Variants in PPFIA2 observed in about 807,000 individuals in gnomAD.
The protein encoded by PPFIA2 is liprin-alpha-2.
In PPFIA2, 46 loss-of-function variants were observed where a neutral mutation model predicts 175.5. That is an observed-to-expected ratio of 0.26 (90% CI 0.21 to 0.34). PPFIA2 has a LOEUF of 0.34. Ranked by LOEUF, PPFIA2 falls within the 10% of genes least tolerant of loss-of-function variation. The pLI is 1.00. For synonymous variants in PPFIA2, 568 were observed against 511.4 expected (o/e 1.11, Z -1.49); for missense variants, 1,179 against 1,506.1 (o/e 0.78, Z 3.60).
rs140216124 is a variant in PPFIA2 at position 81,319,404 on chromosome 12, A to C, written c.2642+6373T>G. ...TGGTTGAAGGTAGGTAGGGCTATAC[A>C]TGATCACATGGCAAAGCAACAGCAG... On this transcript the variant is annotated intron_variant, in intron 22 of 32. Coordinates refer to ENST00000549396, the MANE Select transcript of PPFIA2 (RefSeq NM_003625.5). Among the ~76,000 whole-genome samples, 456 of 151,950 alleles carry C rather than the reference A, an allele frequency of 3.0e-3. 2 individuals are homozygous for C. The highest frequency in any genetic ancestry group is 0.011 in the African/African-American group (441 of 41,544).
At position 81,754,184 on chromosome 12, in the gene PPFIA2, G is replaced by T. The variant is rs1235904378; in HGVS notation, c.38C>A (p.Thr13Asn). ...TTGGGACCCCCTTTGGCTCATTGGGGTGTCCTCATTAATCGTGGGCATCAC... is the reference window on the plus strand; with the variant it reads ...TTGGGACCCCCTTTGGCTCATTGGGTTGTCCTCATTAATCGTGGGCATCAC... ...CEVMPTINED[T>N]PMSQRGSQSS... Residue 13 changes from threonine to asparagine, a missense_variant, in exon 3 of 33, where the codon ACC becomes AAC. Physicochemically the swap from Thr to Asn is moderately conservative, Grantham distance 65. Transcript: ENST00000549396. The T allele has an allele frequency of 6.2e-7, 1 of 1,610,298 alleles. No individual in the cohort carries two copies. Among genetic ancestry groups the T allele is most frequent in the South Asian group, 1.1e-5 (1 of 90,260 alleles).
intron 7 of PPFIA2, among the ~76,000 whole-genome samples, chr12:81,437,569 TG>T (rs1378067540): frequency 1.3e-5 from 2 of 152,132 alleles, no homozygotes; most frequent in Non-Finnish European, 2.9e-5. Flanking sequence ...TTTAGCCAAG[TG>T]GTCTCATCAC....
intron 8 of PPFIA2, among the ~76,000 whole-genome samples, chr12:81,398,858 T>C (rs993655463): frequency 6.6e-6 from 1 of 152,030 alleles, no homozygotes; most frequent in Admixed American, 6.6e-5. Flanking sequence ...CGCTCGACAA[T>C]ACTAAGAGTT....
intron 4 of PPFIA2, among the ~76,000 whole-genome samples, chr12:81,601,438 C>T (rs768408858): frequency 2.0e-5 from 3 of 151,864 alleles, no homozygotes; most frequent in Non-Finnish European, 4.4e-5. Flanking sequence ...GCTTATATAT[C>T]AAGGTACGGT....
At chr12:81,611,545 G>A (rs1283609574) in intron 4 of PPFIA2, among the ~76,000 whole-genome samples, 1 of 152,178 alleles carries the variant, frequency 6.6e-6, no homozygotes, top group Non-Finnish European at 1.5e-5. Flanking sequence ...GGGCCGTGGA[G>A]GCTGTGGGGT....
chr12:81,314,640 C>T (rs926658294), intron 22 of PPFIA2, among the ~76,000 whole-genome samples: 8 of 151,820 alleles, frequency 5.3e-5, no homozygotes, highest in African/African-American at 1.9e-4. Flanking sequence ...CCTTGATCTT[C>T]CAGATCTCCT....
chr12:81,584,966 ATATAT>A (rs1453833687), intron 4 of PPFIA2, among the ~76,000 whole-genome samples: 2 of 100,706 alleles, frequency 2.0e-5, no homozygotes, highest in African/African-American at 8.2e-5. Context: ...TTTATATATA[ATATAT>A]TATATATTAA....
intron 4 of PPFIA2, among the ~76,000 whole-genome samples, chr12:81,659,250 C>T (rs1413633378): frequency 6.6e-6 from 1 of 151,966 alleles, no homozygotes; most frequent in African/African-American, 2.4e-5. Context: ...AAGTGTGAGC[C>T]GAAGCAGGGC....
At chr12:81,696,389 A>T (rs1454165132) in intron 3 of PPFIA2, among the ~76,000 whole-genome samples, 1 of 152,146 alleles carries the variant, frequency 6.6e-6, no homozygotes, top group African/African-American at 2.4e-5. Context: ...CTTAACTCTC[A>T]TCATCCAGTC....
intron 8 of PPFIA2, among the ~76,000 whole-genome samples, chr12:81,398,494 T>C (rs1023732728): frequency 6.6e-6 from 1 of 152,144 alleles, no homozygotes; most frequent in African/African-American, 2.4e-5. Context: ...ATTCTTTACT[T>C]ACTTGTTACC....
intron 4 of PPFIA2, among the ~76,000 whole-genome samples, chr12:81,504,502 T>C (rs2060935768): frequency 6.6e-6 from 1 of 152,092 alleles, no homozygotes; most frequent in Non-Finnish European, 1.5e-5. Context: ...CAACAGATGC[T>C]GGAGAGGACA....
chr12:81,488,196 G>A (rs967752028), intron 4 of PPFIA2, among the ~76,000 whole-genome samples: 1 of 151,706 alleles, frequency 6.6e-6, no homozygotes, highest in Non-Finnish European at 1.5e-5. Flanking sequence ...AATAGAATCA[G>A]ACAAACATGA....
chr12:81,265,975 A>T (rs2037141126), intron 30 of PPFIA2, among the ~76,000 whole-genome samples: 1 of 151,808 alleles, frequency 6.6e-6, no homozygotes, highest in African/African-American at 2.4e-5. Flanking sequence ...ATTAATCATT[A>T]TGCTGATTGA....
intron 14 of PPFIA2, among the ~76,000 whole-genome samples, chr12:81,365,190 G>C (rs1183636268): frequency 2.0e-5 from 3 of 151,752 alleles, no homozygotes; most frequent in Non-Finnish European, 2.9e-5. Context: ...TAGAGATAAA[G>C]ATGGAAAGGG....
intron 4 of PPFIA2, among the ~76,000 whole-genome samples, chr12:81,615,647 T>C (rs1567583513): frequency 6.6e-6 from 1 of 152,020 alleles, no homozygotes; most frequent in Non-Finnish European, 1.5e-5. Context: ...GAACTGACCA[T>C]CAGATTCAAC....
intron 4 of PPFIA2, among the ~76,000 whole-genome samples, chr12:81,474,350 T>A (rs2057200588): frequency 6.6e-6 from 1 of 152,056 alleles, no homozygotes; most frequent in Admixed American, 6.6e-5. Context: ...AGAGACGGGG[T>A]CTTGCCATGT....
At chr12:81,655,320 AT>A (rs1408866188) in intron 4 of PPFIA2, among the ~76,000 whole-genome samples, 8 of 150,974 alleles carry the variant, frequency 5.3e-5, no homozygotes, top group African/African-American at 7.3e-5. Context: ...TAACACCATT[AT>A]TTTTTTCTAT....
At chr12:81,337,510 A>G (rs947035732) in intron 21 of PPFIA2, among the ~76,000 whole-genome samples, 1 of 152,296 alleles carries the variant, frequency 6.6e-6, no homozygotes, top group African/African-American at 2.4e-5. Flanking sequence ...CAAAGGTTCT[A>G]TACTTTTCTA....
At chr12:81,581,772 T>C (rs1466159772) in intron 4 of PPFIA2, among the ~76,000 whole-genome samples, 1 of 151,836 alleles carries the variant, frequency 6.6e-6, no homozygotes, top group Non-Finnish European at 1.5e-5. Context: ...CTGATATTTT[T>C]GGTTTTCTTT....
Sources: gnomAD v4.1 joint callset for allele counts (sites outside exome capture counted in the v4.1 genomes callset) on GRCh38, gnomAD v4.1.1 for gene constraint, MANE v1.5 for transcripts, NCBI Gene and HGNC (gene_info 2026-07-23, HGNC 2026-07-21) for gene names.